Variants in WWOX observed in about 807,000 individuals in gnomAD.
WWOX encodes WW domain-containing oxidoreductase.
A neutral mutation model predicts 46.2 loss-of-function variants in WWOX; 69 were observed. That is an observed-to-expected ratio of 1.49 (90% CI 1.23 to 1.82). WWOX has a LOEUF of 1.82. WWOX is among the 40% of genes most tolerant of loss of function. The pLI, the probability that WWOX is intolerant of heterozygous loss-of-function variation, is 0.00. For synonymous variants in WWOX, 359 were observed against 202.6 expected (o/e 1.77, Z -6.56); for missense variants, 919 against 542.6 (o/e 1.69, Z -6.89).
At chr16:78,859,147 C>G (rs1333528134) in intron 8 of WWOX, among the ~76,000 whole-genome samples, 2 of 147,996 alleles carry the variant, frequency 1.4e-5, no homozygotes, top group Non-Finnish European at 3.0e-5. Context: ...TCGGGGTAAT[C>G]TGAGACACTG....
intron 8 of WWOX, among the ~76,000 whole-genome samples, chr16:79,121,823 A>G (rs1015891280): frequency 6.6e-6 from 1 of 152,180 alleles, no homozygotes; most frequent in African/African-American, 2.4e-5. Flanking sequence ...CTAATAATAA[A>G]TAAACCAAAC....
chr16:78,226,315 T>A (rs932646156), intron 5 of WWOX, among the ~76,000 whole-genome samples: 1 of 152,144 alleles, frequency 6.6e-6, no homozygotes, highest in Non-Finnish European at 1.5e-5. Context: ...TCTCCATTAA[T>A]CTTACAGCTC....
At chr16:79,207,466 C>T (rs2051554063) in intron 8 of WWOX, among the ~76,000 whole-genome samples, 1 of 152,368 alleles carries the variant, frequency 6.6e-6, no homozygotes, top group African/African-American at 2.4e-5. Flanking sequence ...ATCTAACTTC[C>T]AGGGTTCATT....
intron 8 of WWOX, among the ~76,000 whole-genome samples, chr16:79,082,454 C>A (rs1187400192): frequency 6.6e-6 from 1 of 152,134 alleles, no homozygotes; most frequent in Non-Finnish European, 1.5e-5. Context: ...AGCAGGTACT[C>A]AGGAATGGCT....
At chr16:79,008,984 C>G (rs988179274) in intron 8 of WWOX, among the ~76,000 whole-genome samples, 1 of 152,200 alleles carries the variant, frequency 6.6e-6, no homozygotes, top group Non-Finnish European at 1.5e-5. Context: ...GACGCCAGTG[C>G]AATTATCCCG....
At position 78,574,999 on chromosome 16, in the gene WWOX, TTATATATATATATATATATATAAATA is replaced by T. The variant is rs2044815166; in HGVS notation, c.1056+142270_1056+142295del. On this transcript the variant is annotated intron_variant, in intron 8 of 8. Coordinates refer to ENST00000566780, the MANE Select transcript of WWOX (RefSeq NM_016373.4). ...AATATATTCAATATTTATTTTTCAATTATATATATATATATATATATAAATATATATATATATATATATATATATAT... is the reference window on the plus strand; with the variant it reads ...AATATATTCAATATTTATTTTTCAATTATATATATATATATATATATATAT... 4.1e-4 allele frequency among the ~76,000 whole-genome samples: 15 copies of T among 37,036 alleles called. 3 individuals are homozygous for T. Among genetic ancestry groups the T allele is most frequent in the East Asian group, 1.0e-3 (1 of 1,000 alleles). 24.3% of individuals were successfully genotyped at this position (37,036 alleles called of 152,430 possible).
intron 8 of WWOX, among the ~76,000 whole-genome samples, chr16:78,635,965 G>A (rs1430802272): frequency 2.6e-5 from 4 of 152,150 alleles, no homozygotes; most frequent in Admixed American, 6.5e-5. Context: ...GGAAGCCTTG[G>A]CCTAATTGCA....
At chr16:78,985,975 G>A (rs537211578) in intron 8 of WWOX, among the ~76,000 whole-genome samples, 2 of 152,310 alleles carry the variant, frequency 1.3e-5, no homozygotes, top group South Asian at 4.1e-4. Context: ...ATGGCTCAGA[G>A]CCAACAATGC....
intron 8 of WWOX, among the ~76,000 whole-genome samples, chr16:78,554,046 T>C (rs2859624): frequency 0.014 from 2,190 of 152,230 alleles, 32 homozygotes; most frequent in South Asian, 0.028. Flanking sequence ...AAATCTGAGT[T>C]GTTCCACAGA....
intron 8 of WWOX, among the ~76,000 whole-genome samples, chr16:79,080,993 C>G (rs2048750231): frequency 6.6e-6 from 1 of 152,134 alleles, no homozygotes; most frequent in African/African-American, 2.4e-5. Context: ...CCTCCAAACA[C>G]ACACACGCAC....
At chr16:78,332,436 G>A (rs182871277) in intron 5 of WWOX, among the ~76,000 whole-genome samples, 128 of 152,300 alleles carry the variant, frequency 8.4e-4, no homozygotes, top group African/African-American at 3.0e-3. Flanking sequence ...CCTGTGATTT[G>A]TATGGGCTGC....
rs1370604492 is a variant in WWOX, at chr16:78,350,630, C to T, written c.517-36230C>T. ...GGGTCATTCATGTTGTAGCATGTAT[C>T]AGTACTTCTTTTTTTAGGGCTGAGT... On this transcript the variant is annotated intron_variant, in intron 5 of 8. Coordinates refer to ENST00000566780, the MANE Select transcript of WWOX (RefSeq NM_016373.4). Among the ~76,000 whole-genome samples, 9 of 121,242 alleles carry T rather than the reference C, an allele frequency of 7.4e-5. 2 individuals carry two copies. Among genetic ancestry groups the T allele is most frequent in the African/African-American group, 2.5e-4 (9 of 35,824 alleles). The allele number at this position is 121,242 out of a possible 152,430, so 79.5% of individuals were successfully genotyped here.
chr16:78,621,139 A>G (rs2046170403), intron 8 of WWOX, among the ~76,000 whole-genome samples: 1 of 152,170 alleles, frequency 6.6e-6, no homozygotes, highest in African/African-American at 2.4e-5. Context: ...GGCAGGGTAT[A>G]GTGCAGAAAC....
chr16:78,805,513 G>A (rs1253663394), intron 8 of WWOX, among the ~76,000 whole-genome samples: 1 of 151,910 alleles, frequency 6.6e-6, no homozygotes, highest in Non-Finnish European at 1.5e-5. Flanking sequence ...TCGATTTCCT[G>A]ACATCGTGAT....
At chr16:79,082,642 C>T (rs1392172606) in intron 8 of WWOX, among the ~76,000 whole-genome samples, 1 of 152,188 alleles carries the variant, frequency 6.6e-6, no homozygotes, top group Non-Finnish European at 1.5e-5. Context: ...CCTATAGTTA[C>T]AGGCCATTTA....
At chr16:78,453,106 T>C (rs1567582234) in intron 8 of WWOX, among the ~76,000 whole-genome samples, 1 of 152,068 alleles carries the variant, frequency 6.6e-6, no homozygotes, top group Admixed American at 6.5e-5. Flanking sequence ...CAGCTATTTA[T>C]ATCTTATATG....
intron 8 of WWOX, among the ~76,000 whole-genome samples, chr16:79,162,422 G>A (rs1271118992): frequency 6.6e-6 from 1 of 152,122 alleles, no homozygotes; most frequent in Non-Finnish European, 1.5e-5. Flanking sequence ...CAAGTTAGGG[G>A]CTTCTTCTGG....
chr16:78,791,306 G>A (rs2050593047), intron 8 of WWOX, among the ~76,000 whole-genome samples: 1 of 152,128 alleles, frequency 6.6e-6, no homozygotes, highest in Non-Finnish European at 1.5e-5. Flanking sequence ...TGATGTGCTG[G>A]GTGTTGTGGA....
chr16:78,727,884 T>A (rs2048873409), intron 8 of WWOX, among the ~76,000 whole-genome samples: 1 of 152,056 alleles, frequency 6.6e-6, no homozygotes, highest in South Asian at 2.1e-4. Context: ...CTCTTAGTAG[T>A]TATCCAGGAC....
Sources: allele counts gnomAD v4.1 joint callset (sites outside exome capture counted in the v4.1 genomes callset), GRCh38; gene constraint gnomAD v4.1.1; transcripts MANE v1.5; gene names NCBI Gene and HGNC (gene_info 2026-07-23, HGNC 2026-07-21).